SETBP1: variants seen among roughly 807,000 people sequenced by gnomAD.
SETBP1 encodes SET binding protein 1, also known as SET-binding protein.
Under a neutral mutation model 101.0 loss-of-function variants are expected in SETBP1, and 9 were observed. The observed-to-expected ratio is 0.09, with a 90% CI of 0.05 to 0.16. The LOEUF (loss-of-function observed/expected upper bound fraction) is 0.16. Among genes scored for constraint, SETBP1 ranks in the 10% least tolerant of loss-of-function variants. SETBP1 has a pLI of 1.00. For missense variants in SETBP1, 1,858 were observed against 2,033.8 expected (o/e 0.91, Z 1.66); for synonymous variants, 818 against 788.5 (o/e 1.04, Z -0.63).
chr18:44,804,644 C>T (rs2071688888), intron 2 of SETBP1, among the ~76,000 whole-genome samples: 1 of 152,086 alleles, frequency 6.6e-6, no homozygotes, highest in Non-Finnish European at 1.5e-5. Context: ...TATGAGAGAA[C>T]ATGCAGTTCT....
intron 2 of SETBP1, among the ~76,000 whole-genome samples, chr18:44,797,933 G>T (rs2071518013): frequency 6.6e-6 from 1 of 152,190 alleles, no homozygotes; most frequent in Non-Finnish European, 1.5e-5. Context: ...TTGTCATAGA[G>T]CTTGGCAGGT....
At chr18:44,713,065 T>A (rs1268686777) in intron 2 of SETBP1, among the ~76,000 whole-genome samples, 1 of 149,924 alleles carries the variant, frequency 6.7e-6, no homozygotes, top group East Asian at 2.0e-4. Context: ...TTCAGGCCAT[T>A]CTCCTGCCTC....
chr18:44,876,633 A>G, intron 3 of SETBP1: 1 of 1,551,588 alleles, frequency 6.4e-7, no homozygotes, highest in Non-Finnish European at 8.7e-7. Flanking sequence ...TCAAAAAGCA[A>G]TTCCTGTCCC....
intron 2 of SETBP1, among the ~76,000 whole-genome samples, chr18:44,793,745 C>T (rs1251888358): frequency 6.6e-6 from 1 of 152,148 alleles, no homozygotes; most frequent in Non-Finnish European, 1.5e-5. Context: ...TAGGGGAGCC[C>T]TTACCAGAAT....
chr18:45,002,138 G>A (rs1302440962), intron 4 of SETBP1, among the ~76,000 whole-genome samples: 1 of 152,042 alleles, frequency 6.6e-6, no homozygotes. Flanking sequence ...TCCCTGCCCT[G>A]CCACCCATCC....
At chr18:44,773,932 A>G (rs1343577929) in intron 2 of SETBP1, among the ~76,000 whole-genome samples, 1 of 150,628 alleles carries the variant, frequency 6.6e-6, no homozygotes, top group Non-Finnish European at 1.5e-5. Context: ...GGTAAAAGGC[A>G]TAGCTCCTAG....
At chr18:44,878,945 C>T (rs2069470078) in intron 3 of SETBP1, among the ~76,000 whole-genome samples, 1 of 152,150 alleles carries the variant, frequency 6.6e-6, no homozygotes, top group Non-Finnish European at 1.5e-5. Flanking sequence ...GCAGCCTCTA[C>T]TGCATTTTTT....
intron 2 of SETBP1, among the ~76,000 whole-genome samples, chr18:44,805,086 T>C (rs1241791173): frequency 6.6e-6 from 1 of 151,886 alleles, no homozygotes; most frequent in Non-Finnish European, 1.5e-5. Flanking sequence ...TCTCCCAAGA[T>C]CTCAGGCTGT....
intron 2 of SETBP1, among the ~76,000 whole-genome samples, chr18:44,829,385 G>A (rs1028618567): frequency 5.3e-5 from 8 of 152,144 alleles, no homozygotes; most frequent in South Asian, 2.1e-4. Flanking sequence ...CTGATAAAGT[G>A]TATCTAAACT....
chr18:44,969,865 A>C (rs2071803874), intron 4 of SETBP1, among the ~76,000 whole-genome samples: 1 of 152,142 alleles, frequency 6.6e-6, no homozygotes, highest in South Asian at 2.1e-4. Flanking sequence ...CACTCCCCTT[A>C]AACTTTGTTG....
Position 44,941,411 on chromosome 18 carries a change from T to C in SETBP1, c.541-8470T>C, listed in dbSNP as rs1004972546. 3.3e-5 allele frequency among the ~76,000 whole-genome samples: 5 copies of C among 152,292 alleles called. No individual in the cohort carries two copies. In the East Asian group the frequency reaches 7.7e-4, roughly 23 times the overall value. ...TGCACCCCTATAAATAATCTCTTTC[T>C]TCTCTGATGGCTTTTGAATTTTTTC... On this transcript the variant is annotated intron_variant, in intron 3 of 5. Transcript: ENST00000649279.
intron 3 of SETBP1, among the ~76,000 whole-genome samples, chr18:44,940,564 C>T (rs369422847): frequency 1.8e-4 from 27 of 152,018 alleles, no homozygotes; most frequent in African/African-American, 5.8e-4. Flanking sequence ...GATTACAATG[C>T]GTACCCTTAA....
intron 1 of SETBP1, among the ~76,000 whole-genome samples, chr18:44,682,513 C>G (rs1368241151): frequency 2.0e-5 from 3 of 152,132 alleles, no homozygotes; most frequent in Non-Finnish European, 4.4e-5. Flanking sequence ...CTTCTACCAT[C>G]CTTAAACTCC....
chr18:45,033,579 T>G (rs1404786036), intron 4 of SETBP1, among the ~76,000 whole-genome samples: 1 of 152,222 alleles, frequency 6.6e-6, no homozygotes, highest in Non-Finnish European at 1.5e-5. Context: ...ATCCCAGTGG[T>G]GTCAGCCTCT....
intron 2 of SETBP1, among the ~76,000 whole-genome samples, chr18:44,811,701 T>A (rs573548829): frequency 6.6e-6 from 1 of 152,364 alleles, no homozygotes; most frequent in Non-Finnish European, 1.5e-5. Context: ...TGTCAACATC[T>A]GCCTTTCTTC....
chr18:44,975,564 A>G (rs930769989), intron 4 of SETBP1, among the ~76,000 whole-genome samples: 1 of 152,224 alleles, frequency 6.6e-6, no homozygotes, highest in African/African-American at 2.4e-5. Flanking sequence ...CTAATTCAGC[A>G]TTATCCAGCA....
At chr18:44,749,637 C>A (rs374169876) in intron 2 of SETBP1, among the ~76,000 whole-genome samples, 23 of 152,198 alleles carry the variant, frequency 1.5e-4, no homozygotes, top group African/African-American at 5.5e-4. Flanking sequence ...TTTAAAAGAG[C>A]TTGCGGTTTG....
At chr18:45,003,282 G>GCA (rs1568021608) in intron 4 of SETBP1, among the ~76,000 whole-genome samples, 112 of 152,228 alleles carry the variant, frequency 7.4e-4, no homozygotes, top group African/African-American at 2.5e-3. Context: ...CAGGACCCTG[G>GCA]GCTTTATTGA....
At chr18:44,766,407 G>T (rs1027228053) in intron 2 of SETBP1, among the ~76,000 whole-genome samples, 13 of 152,208 alleles carry the variant, frequency 8.5e-5, no homozygotes, top group Admixed American at 7.9e-4. Context: ...CAACATGGAT[G>T]AGACTTGAGG....
Sources: gnomAD v4.1 joint callset for allele counts (sites outside exome capture counted in the v4.1 genomes callset) on GRCh38, gnomAD v4.1.1 for gene constraint, MANE v1.5 for transcripts, NCBI Gene and HGNC (gene_info 2026-07-23, HGNC 2026-07-21) for gene names.